The following BRINP3 variants were observed in gnomAD, a reference collection of about 807,000 sequenced individuals.
BRINP3 encodes BMP/retinoic acid inducible neural specific 3.
Under a neutral mutation model 71.0 loss-of-function variants are expected in BRINP3, and 19 were observed. The ratio of observed to expected loss-of-function variants is 0.27; its 90% CI spans 0.19 to 0.39. The LOEUF is 0.39. Ranked by LOEUF, BRINP3 falls within the 10% of genes least tolerant of loss-of-function variation. The pLI is 1.00. For missense variants in BRINP3, 959 were observed against 940.8 expected (o/e 1.02, Z -0.25); for synonymous variants, 380 against 337.7 (o/e 1.13, Z -1.37).
At chr1:190,432,707 T>A (rs1009270386) in intron 2 of BRINP3, among the ~76,000 whole-genome samples, 1 of 152,228 alleles carries the variant, frequency 6.6e-6, no homozygotes, top group Non-Finnish European at 1.5e-5. Flanking sequence ...CCTGTTTTCA[T>A]GTTTCTCAGC....
At chr1:190,118,976 T>C (rs1334580372) in intron 7 of BRINP3, among the ~76,000 whole-genome samples, 4 of 152,156 alleles carry the variant, frequency 2.6e-5, no homozygotes, top group African/African-American at 9.7e-5. Context: ...CCTGGTTTGC[T>C]CAATTGTGGG....
intron 2 of BRINP3, among the ~76,000 whole-genome samples, chr1:190,434,227 A>G (rs1157484106): frequency 1.3e-5 from 2 of 151,868 alleles, no homozygotes; most frequent in African/African-American, 4.8e-5. Context: ...CTGCCTCACC[A>G]GCCTCCGGAA....
At chr1:190,394,665 A>C (rs1212855040) in intron 2 of BRINP3, among the ~76,000 whole-genome samples, 1 of 151,678 alleles carries the variant, frequency 6.6e-6, no homozygotes, top group Non-Finnish European at 1.5e-5. Context: ...TTAAAGGTAA[A>C]CACAAACTGC....
chr1:190,142,547 A>C (rs1295700455), intron 7 of BRINP3, among the ~76,000 whole-genome samples: 1 of 152,156 alleles, frequency 6.6e-6, no homozygotes, highest in Non-Finnish European at 1.5e-5. Flanking sequence ...AGAAAATGCC[A>C]GGTACAAAGG....
intron 4 of BRINP3, among the ~76,000 whole-genome samples, chr1:190,240,674 C>A (rs1267340529): frequency 6.6e-6 from 1 of 151,542 alleles, no homozygotes; most frequent in African/African-American, 2.4e-5. Context: ...AGTTTGAGAC[C>A]AGCCTGATCA....
intron 2 of BRINP3, among the ~76,000 whole-genome samples, chr1:190,388,432 C>T (rs967611163): frequency 6.6e-6 from 1 of 151,634 alleles, no homozygotes; most frequent in African/African-American, 2.4e-5. Context: ...GGCAGTAATC[C>T]AATAACAAGT....
In BRINP3 at chr1:190,476,683, G is replaced by T. The variant is rs192300388; in HGVS notation, c.-51+765C>A. Among the ~76,000 whole-genome samples, 124 of 152,218 alleles carry T rather than the reference G, an allele frequency of 8.1e-4. 1 individual carries two copies. The highest frequency in any genetic ancestry group is 2.9e-3 in the African/African-American group (119 of 41,524). Reference sequence around the variant, plus strand: ...TCTATTCTTGAATTTCAATTTATCAGAACCAAGATAATCAGGGGTTTCTTC... The same window carrying T: ...TCTATTCTTGAATTTCAATTTATCATAACCAAGATAATCAGGGGTTTCTTC... On this transcript the variant is annotated intron_variant, in intron 1 of 7. Coordinates refer to ENST00000367462, the MANE Select transcript of BRINP3 (RefSeq NM_199051.3).
chr1:190,333,030 C>G (rs1191909316), intron 2 of BRINP3, among the ~76,000 whole-genome samples: 2 of 151,802 alleles, frequency 1.3e-5, no homozygotes, highest in Non-Finnish European at 2.9e-5. Flanking sequence ...TGCTTTTCAC[C>G]TCCAGCAAAT....
rs149241302 is a variant in BRINP3 at position 190,301,043 on chromosome 1, G to A, written c.237-19293C>T. On this transcript the variant is annotated intron_variant, in intron 2 of 7. Transcript: ENST00000367462. ...GAAAACTTTGAAAAAAATTTAAAGA[G>A]TTACTTGAATAGTTTTTAAAATTCC... 3.2e-3 allele frequency among the ~76,000 whole-genome samples: 476 copies of A among 151,100 alleles called. 3 individuals carry two copies. The highest frequency in any genetic ancestry group is 9.8e-3 in the African/African-American group (402 of 41,228).
chr1:190,426,262 G>A (rs150088212), intron 2 of BRINP3, among the ~76,000 whole-genome samples: 1 of 151,774 alleles, frequency 6.6e-6, no homozygotes, highest in East Asian at 1.9e-4. Context: ...TTTTATATGA[G>A]ACTTGAGCAT....
At chr1:190,476,992 T>G (rs1462026471) in intron 1 of BRINP3, among the ~76,000 whole-genome samples, 6 of 152,196 alleles carry the variant, frequency 3.9e-5, no homozygotes, top group Non-Finnish European at 8.8e-5. Context: ...TAATTGCTTA[T>G]CATGAACAAA....
In BRINP3 at chr1:190,165,688, C is replaced by CA. The variant is rs36073895; in HGVS notation, c.962-4799dup. On this transcript the variant is annotated intron_variant, in intron 6 of 7. Coordinates refer to ENST00000367462, the MANE Select transcript of BRINP3 (RefSeq NM_199051.3). The stretch of plus-strand genomic sequence containing the variant: ...TCCTTTGTCTTCTGATTTTCAGTGG[C>CA]AAAAAAAAAAAAAATTCTAGCAAAT... Among the ~76,000 whole-genome samples, 584 of 146,116 alleles carry CA rather than the reference C, an allele frequency of 4.0e-3. 5 individuals carry two copies. The highest frequency in any genetic ancestry group is 0.035 in the South Asian group (163 of 4,636).
chr1:190,191,751 T>G lies in BRINP3; in HGVS notation c.962-30861A>C, dbSNP rs112790088. ...TGTGTTTTTAATAATCTCAATGAGT[T>G]GCAAATGAAGTAAAGTTTGAGAACC... On this transcript the variant is annotated intron_variant, in intron 6 of 7. Transcript: ENST00000367462. 3.5e-3 allele frequency among the ~76,000 whole-genome samples: 540 copies of G among 152,218 alleles called. 4 individuals carry two copies. Among genetic ancestry groups the G allele is most frequent in the African/African-American group, 0.012 (512 of 41,536 alleles).
intron 1 of BRINP3, among the ~76,000 whole-genome samples, chr1:190,476,200 G>A (rs1677490116): frequency 6.6e-6 from 1 of 150,952 alleles, no homozygotes; most frequent in Non-Finnish European, 1.5e-5. Context: ...ACATTGCTTG[G>A]GTTGTCGCGT....
In BRINP3 at chr1:190,242,134, A is replaced by T. The variant is rs75975258; in HGVS notation, c.619-7657T>A. 3.3e-3 allele frequency among the ~76,000 whole-genome samples: 495 copies of T among 152,056 alleles called. 3 individuals are homozygous for T. The highest frequency in any genetic ancestry group is 0.011 in the African/African-American group (458 of 41,552). ...TTTCAAACATATTATTAATTATAAG[A>T]TGCATTAAAAACAAAATGTTCGTCT... On this transcript the variant is annotated intron_variant, in intron 4 of 7. Coordinates refer to ENST00000367462, the MANE Select transcript of BRINP3 (RefSeq NM_199051.3).
rs1207100361 is a variant in BRINP3, at chr1:190,098,447, T to G, written c.1872A>C (p.Thr624=). 2 of 1,614,168 alleles carry G rather than the reference T, an allele frequency of 1.2e-6. No homozygotes were observed. The highest frequency in any genetic ancestry group is 1.7e-6 in the Non-Finnish European group (2 of 1,180,024). Residue 624 remains threonine (T), a synonymous_variant, in exon 8 of 8, where the codon ACA becomes ACC. Transcript: ENST00000367462. ...TGCGACTTCTCAGGTAGATGTGTAC[T>G]GTCTCAAAAAATGTCTTCCATTTGT... ...LGNKWKTFFE[T]VHIYLRSRIK...
intron 7 of BRINP3, among the ~76,000 whole-genome samples, chr1:190,158,937 A>G (rs1404451586): frequency 6.6e-6 from 1 of 151,962 alleles, no homozygotes; most frequent in African/African-American, 2.4e-5. Context: ...ACCTTAAAGA[A>G]TAGAATTAAT....
chr1:190,263,070 A>C (rs2102867675), intron 4 of BRINP3, among the ~76,000 whole-genome samples: 1 of 152,240 alleles, frequency 6.6e-6, no homozygotes, highest in Admixed American at 6.5e-5. Flanking sequence ...CTTGGTGCTG[A>C]ACAGCAACAA....
intron 7 of BRINP3, among the ~76,000 whole-genome samples, chr1:190,105,967 C>T (rs1003845504): frequency 1.3e-5 from 2 of 151,760 alleles, no homozygotes; most frequent in African/African-American, 2.4e-5. Context: ...CGTACACATG[C>T]GATTTTCTAT....
Sources: gnomAD v4.1 joint callset for allele counts (sites outside exome capture counted in the v4.1 genomes callset) on GRCh38, gnomAD v4.1.1 for gene constraint, MANE v1.5 for transcripts, NCBI Gene and HGNC (gene_info 2026-07-23, HGNC 2026-07-21) for gene names.